SLC35A1: variants seen among roughly 807,000 people sequenced by gnomAD.
The protein encoded by SLC35A1 is solute carrier family 35 member A1, also known as CMP-sialic acid transporter.
SLC35A1 carries 21 observed loss-of-function variants against 40.3 expected under a neutral mutation model. The ratio of observed to expected loss-of-function variants is 0.52; its 90% CI spans 0.37 to 0.75. The LOEUF is 0.75. Among genes scored for constraint, SLC35A1 ranks in the 30% least tolerant of loss-of-function variants. The probability of loss-of-function intolerance (pLI) is 0.00; values close to 1 mark genes in which losing one functional copy is unlikely to be tolerated. For synonymous variants in SLC35A1, 146 were observed against 147.3 expected (o/e 0.99, Z 0.06); for missense variants, 297 against 382.1 (o/e 0.78, Z 1.86).
chr6:87,493,963 GAATT>G (rs920870338), intron 2 of SLC35A1, among the ~76,000 whole-genome samples: 2 of 152,176 alleles, frequency 1.3e-5, no homozygotes, highest in African/African-American at 4.8e-5. Context: ...GTGTGGGAAG[GAATT>G]AATGGATGGC....
chr6:87,494,661 A>G (rs990578558), intron 2 of SLC35A1, among the ~76,000 whole-genome samples: 1 of 152,006 alleles, frequency 6.6e-6, no homozygotes, highest in Non-Finnish European at 1.5e-5. Context: ...TCCTGACCTC[A>G]TGATCCGCCT....
In SLC35A1 at chr6:87,477,485, C is replaced by A. The variant is rs961625153; in HGVS notation, c.140C>A (p.Ala47Asp). The change falls in exon 2 of 8, where the codon GCC (alanine) becomes GAC (aspartate). Residue 47 changes from alanine to aspartate, a missense_variant. Transcript: ENST00000369552. ...SDKELYFSTT[A>D]VCITEVIKLL... ...AAAGAACTCTACTTTTCAACCACAG[C>A]CGTGTGTATCACAGAAGTTATAAAG... 1 of 1,613,852 alleles carries A rather than the reference C, an allele frequency of 6.2e-7. No individual in the cohort carries two copies. Among genetic ancestry groups the A allele is most frequent in the African/African-American group, 1.3e-5 (1 of 74,878 alleles).
chr6:87,473,097 T>C, intron 1 of SLC35A1, 78 bp downstream of exon 1: 1 of 423,146 alleles, frequency 2.4e-6, no homozygotes, highest in South Asian at 8.1e-5. Context: ...TCAGCCCCTG[T>C]CGGGCAGCGG....
chr6:87,499,924 T>C (rs1164120419), intron 2 of SLC35A1, among the ~76,000 whole-genome samples: 1 of 152,122 alleles, frequency 6.6e-6, no homozygotes, highest in East Asian at 1.9e-4. Flanking sequence ...GAAACCAGCC[T>C]GGCCAACAAT....
chr6:87,501,777 C>T (rs567525743), intron 4 of SLC35A1, among the ~76,000 whole-genome samples: 1 of 152,330 alleles, frequency 6.6e-6, no homozygotes, highest in African/African-American at 2.4e-5. Flanking sequence ...CATCTCCCTA[C>T]TGTCAGTGAT....
At position 87,511,534 on chromosome 6, in the gene SLC35A1, C is replaced by T. The variant is rs1770274787; in HGVS notation, c.*8C>T. The T allele has an allele frequency of 1.9e-6, 3 of 1,613,834 alleles. No homozygotes were observed. The East Asian group carries it at 6.7e-5, about 36-fold the overall frequency. Reference sequence around the variant, plus strand: ...AGAGTTATTGGTGTGTGATTTTAGCCTCACGTGAGACTCCTTTTAAGACTA... The same window carrying T: ...AGAGTTATTGGTGTGTGATTTTAGCTTCACGTGAGACTCCTTTTAAGACTA... On this transcript the variant is annotated 3_prime_UTR_variant, in exon 8 of 8. Transcript: ENST00000369552.
chr6:87,501,730 A>G (rs555736906), intron 4 of SLC35A1, among the ~76,000 whole-genome samples: 2 of 152,304 alleles, frequency 1.3e-5, no homozygotes, highest in South Asian at 4.1e-4. Context: ...TTCTGCATCT[A>G]GTTTTCATCT....
At position 87,506,432 on chromosome 6, in the gene SLC35A1, G is replaced by A. The variant is rs368921086; in HGVS notation, c.558G>A (p.Leu186=). ...LGFGAIAIAV[L]CSGFAGVYFE... Reference sequence around the variant, plus strand: ...TTGGCGCTATAGCTATTGCTGTATTGTGCTCAGGATTTGCAGGTAAATCAT... The same window carrying A: ...TTGGCGCTATAGCTATTGCTGTATTATGCTCAGGATTTGCAGGTAAATCAT... Residue 186 remains leucine (L), a synonymous_variant, in exon 5 of 8, where the codon TTG becomes TTA. Transcript: ENST00000369552. 22 of 1,613,508 alleles carry A rather than the reference G, an allele frequency of 1.4e-5. No individual in the cohort carries two copies. The African/African-American group carries it at 1.7e-4, about 13-fold the overall frequency.
chr6:87,494,311 TTTAAA>T (rs1215887057), intron 2 of SLC35A1, among the ~76,000 whole-genome samples: 1 of 152,150 alleles, frequency 6.6e-6, no homozygotes, highest in Non-Finnish European at 1.5e-5. Context: ...TCAGATAACT[TTTAAA>T]TTAAAAGAGA....
chr6:87,511,314 T>C, intron 7 of SLC35A1, 85 bp from the exon 8 acceptor site: 1 of 1,422,232 alleles, frequency 7.0e-7, no homozygotes. Context: ...AAACCCACAA[T>C]TAAGAGTTTT....
intron 2 of SLC35A1, among the ~76,000 whole-genome samples, chr6:87,481,229 C>CTA (rs1769234137): frequency 1.3e-5 from 2 of 152,042 alleles, no homozygotes. Context: ...CCAGCCTGGC[C>CTA]AACATGGAGA....
At position 87,497,734 on chromosome 6, in the gene SLC35A1, C is replaced by CT. The variant is rs578051359; in HGVS notation, c.195-2766dup. 2.5e-3 allele frequency among the ~76,000 whole-genome samples: 377 copies of CT among 151,548 alleles called. 2 individuals are homozygous for CT. The highest frequency in any genetic ancestry group is 6.8e-3 in the Middle Eastern group (2 of 292). ...AAGGCTTCTAATGTCTTATTTTTTT[C>CT]TTTTTTTTAAAAGAGATGGTATCTT... On this transcript the variant is annotated intron_variant, in intron 2 of 7. Coordinates refer to ENST00000369552, the MANE Select transcript of SLC35A1 (RefSeq NM_006416.5).
chr6:87,497,214 T>C (rs918672387), intron 2 of SLC35A1, among the ~76,000 whole-genome samples: 7 of 152,110 alleles, frequency 4.6e-5, no homozygotes, highest in Non-Finnish European at 8.8e-5. Context: ...TTGTAACTTA[T>C]TTCAAAATAT....
chr6:87,473,782 A>T (rs1768988246), intron 1 of SLC35A1, among the ~76,000 whole-genome samples: 1 of 152,230 alleles, frequency 6.6e-6, no homozygotes, highest in Admixed American at 6.5e-5. Context: ...CCAGAGGTGG[A>T]TTCTTTGACT....
In SLC35A1 at chr6:87,511,542, A is replaced by G. The variant is rs1293749953; in HGVS notation, c.*16A>G. 2 of 1,613,702 alleles carry G rather than the reference A, an allele frequency of 1.2e-6. No individual in the cohort carries two copies. Among genetic ancestry groups the G allele is most frequent in the Non-Finnish European group, 8.5e-7 (1 of 1,179,690 alleles). ...TGGTGTGTGATTTTAGCCTCACGTG[A>G]GACTCCTTTTAAGACTAAACCATTT... On this transcript the variant is annotated 3_prime_UTR_variant, in exon 8 of 8. Transcript: ENST00000369552.
chr6:87,511,750 G>C lies in SLC35A1; in HGVS notation c.*224G>C. The C allele has an allele frequency of 3.6e-6, 2 of 550,120 alleles. No homozygotes were observed. Among genetic ancestry groups the C allele is most frequent in the South Asian group, 4.0e-5 (2 of 50,506 alleles). The allele number at this position is 550,120 out of a possible 1,614,324, so 34.1% of individuals were successfully genotyped here. On this transcript the variant is annotated 3_prime_UTR_variant, in exon 8 of 8. Coordinates refer to ENST00000369552, the MANE Select transcript of SLC35A1 (RefSeq NM_006416.5). Reference sequence around the variant, plus strand: ...GGGTCTACTATTGTTTTAGAATGAAGGAATTGTATTATTGTGTGTATATAT... The same window carrying C: ...GGGTCTACTATTGTTTTAGAATGAACGAATTGTATTATTGTGTGTATATAT...
intron 4 of SLC35A1, among the ~76,000 whole-genome samples, chr6:87,505,893 T>C (rs1245458801): frequency 1.3e-5 from 2 of 152,220 alleles, no homozygotes; most frequent in African/African-American, 2.4e-5. Context: ...GCAGTGTGTA[T>C]AGACAATGTA....
intron 2 of SLC35A1, among the ~76,000 whole-genome samples, chr6:87,497,761 C>T (rs1017454399): frequency 6.6e-6 from 1 of 152,088 alleles, no homozygotes; most frequent in Non-Finnish European, 1.5e-5. Context: ...TGGTATCTTA[C>T]TCTTTCACCC....
intron 1 of SLC35A1, among the ~76,000 whole-genome samples, chr6:87,473,250 A>G (rs999580831): frequency 6.6e-6 from 1 of 152,166 alleles, no homozygotes; most frequent in African/African-American, 2.4e-5. Context: ...GGTCGGAGTC[A>G]GAGACCGCAC....
Sources: gnomAD v4.1 joint callset for allele counts (sites outside exome capture counted in the v4.1 genomes callset) on GRCh38, gnomAD v4.1.1 for gene constraint, MANE v1.5 for transcripts, NCBI Gene and HGNC (gene_info 2026-07-23, HGNC 2026-07-21) for gene names.